The following PCDH11Y variants were observed in gnomAD, a reference collection of about 807,000 sequenced individuals.
PCDH11Y encodes the protein protocadherin 11 Y-linked, also known as protocadherin-11 Y-linked.
For missense variants in PCDH11Y, 12 were observed against 224.8 expected (o/e 0.05, Z 6.05); for synonymous variants, 9 against 83.6 (o/e 0.11, Z 4.87).
chrY:5,416,760 G>T, intron 2 of PCDH11Y, among the ~76,000 whole-genome samples: 1 of 32,223 alleles, frequency 3.1e-5, no homozygotes, highest in Non-Finnish European at 7.6e-5. Flanking sequence ...TACCAGTTTT[G>T]CAAGGGATTA....
intron 2 of PCDH11Y, among the ~76,000 whole-genome samples, chrY:5,115,133 A>ATTT (rs773841540): frequency 8.4e-5 from 1 of 11,972 alleles, no homozygotes; most frequent in Non-Finnish European, 1.9e-4. Context: ...AGAGAACCGC[A>ATTT]TTTTTTTTTT....
At chrY:5,696,830 A>G in intron 4 of PCDH11Y, among the ~76,000 whole-genome samples, 2 of 32,793 alleles carry the variant, frequency 6.1e-5, no homozygotes, top group African/African-American at 2.4e-4. Flanking sequence ...ATTAGTTTCA[A>G]ATAACTTAAT....
At chrY:5,490,726 G>A (rs2124686888) in intron 2 of PCDH11Y, among the ~76,000 whole-genome samples, 1 of 33,783 alleles carries the variant, frequency 3.0e-5, no homozygotes, top group East Asian at 8.1e-4. Context: ...CGCCTTCCCA[G>A]GTGCAGTTGC....
intron 2 of PCDH11Y, among the ~76,000 whole-genome samples, chrY:5,229,606 G>A: frequency 3.1e-5 from 1 of 32,194 alleles, no homozygotes; most frequent in African/African-American, 1.2e-4. Flanking sequence ...GAGCCACTGC[G>A]CCTGGCCTAT....
chrY:5,577,059 T>C, intron 3 of PCDH11Y, among the ~76,000 whole-genome samples: 1 of 33,300 alleles, frequency 3.0e-5, no homozygotes, highest in African/African-American at 1.2e-4. Flanking sequence ...TCTCTTGATG[T>C]CATTCTTCAT....
chrY:5,248,823 A>G (rs2053000255), intron 2 of PCDH11Y, among the ~76,000 whole-genome samples: 1 of 33,083 alleles, frequency 3.0e-5, no homozygotes, highest in Admixed American at 2.8e-4. Flanking sequence ...ATATTTAGAA[A>G]ACACCATCGT....
chrY:5,658,726 C>G, intron 4 of PCDH11Y, among the ~76,000 whole-genome samples: 1 of 32,763 alleles, frequency 3.1e-5, no homozygotes. Flanking sequence ...TCTGTGTTAT[C>G]TTAAATTTCT....
chrY:5,292,240 TGGTATCAG>T (rs2053068675), intron 2 of PCDH11Y, among the ~76,000 whole-genome samples: 1 of 33,533 alleles, frequency 3.0e-5, no homozygotes, highest in African/African-American at 1.2e-4. Flanking sequence ...CATCTTCTTT[TGGTATCAG>T]GGTAATACTG....
intron 1 of PCDH11Y, among the ~76,000 whole-genome samples, chrY:5,010,015 C>T (rs2124617912): frequency 3.1e-5 from 1 of 31,976 alleles, no homozygotes; most frequent in African/African-American, 1.2e-4. Context: ...CCATCCTGGC[C>T]AACATGGTGA....
chrY:5,068,542 C>CTGTGTG (rs3067360), intron 1 of PCDH11Y, among the ~76,000 whole-genome samples: 480 of 21,737 alleles, frequency 0.022, no homozygotes, highest in East Asian at 0.11. Flanking sequence ...TTTGTGTCCT[C>CTGTGTG]TGTGTGTGTG....
intron 2 of PCDH11Y, among the ~76,000 whole-genome samples, chrY:5,462,872 G>T (rs2053305027): frequency 3.1e-5 from 1 of 32,425 alleles, no homozygotes; most frequent in Non-Finnish European, 7.5e-5. Context: ...CTGACCTCAG[G>T]TGCTTCACTC....
chrY:5,163,526 G>C, intron 2 of PCDH11Y, among the ~76,000 whole-genome samples: 1 of 32,881 alleles, frequency 3.0e-5, no homozygotes, highest in Non-Finnish European at 7.5e-5. Context: ...CAGTTTTGGA[G>C]GTGGGCCTGG....
intron 4 of PCDH11Y, among the ~76,000 whole-genome samples, chrY:5,690,966 A>G: frequency 9.2e-5 from 3 of 32,686 alleles, no homozygotes. Context: ...CACCACTATC[A>G]CCATTCCTCA....
At chrY:5,495,025 C>T (rs2053342960) in intron 2 of PCDH11Y, among the ~76,000 whole-genome samples, 2 of 26,998 alleles carry the variant, frequency 7.4e-5, no homozygotes, top group Admixed American at 3.6e-4. Flanking sequence ...CCAGCCTGGG[C>T]GACAGAGCAA....
chrY:5,068,798 A>G, intron 1 of PCDH11Y, among the ~76,000 whole-genome samples: 2 of 32,249 alleles, frequency 6.2e-5, no homozygotes, highest in Non-Finnish European at 1.5e-4. Context: ...TTTGTTATCT[A>G]TTTGCCTTGT....
chrY:5,246,071 C>A, intron 2 of PCDH11Y, among the ~76,000 whole-genome samples: 1 of 31,256 alleles, frequency 3.2e-5, no homozygotes, highest in Admixed American at 3.0e-4. Context: ...CTGAGAAATA[C>A]GGGGCAATGT....
intron 2 of PCDH11Y, among the ~76,000 whole-genome samples, chrY:5,367,933 G>C: frequency 3.2e-5 from 1 of 31,488 alleles, no homozygotes; most frequent in Non-Finnish European, 7.7e-5. Flanking sequence ...GGAGGCTAAG[G>C]TGGGAGGATT....
At chrY:5,660,385 G>A in intron 4 of PCDH11Y, among the ~76,000 whole-genome samples, 1 of 29,681 alleles carries the variant, frequency 3.4e-5, no homozygotes, top group Admixed American at 3.2e-4. Flanking sequence ...GTTTACCTGG[G>A]ACCCCAGAGC....
intron 3 of PCDH11Y, among the ~76,000 whole-genome samples, chrY:5,044,417 G>A (rs1270695936): frequency 1.2e-4 from 4 of 33,023 alleles, no homozygotes; most frequent in Non-Finnish European, 3.0e-4. Context: ...GTAGTTGAGC[G>A]GTTTTGAGTG....
Sources: allele counts gnomAD v4.1 joint callset (sites outside exome capture counted in the v4.1 genomes callset), GRCh38; gene constraint gnomAD v4.1.1; transcripts MANE v1.5; gene names NCBI Gene and HGNC (gene_info 2026-07-23, HGNC 2026-07-21).